WDPCP: variants seen among roughly 807,000 people sequenced by gnomAD.
The protein encoded by WDPCP is WD repeat containing planar cell polarity effector.
In WDPCP, 71 loss-of-function variants were observed where a neutral mutation model predicts 93.1. The observed-to-expected ratio is 0.76, with a 90% CI of 0.63 to 0.93. The LOEUF is 0.93. Among genes scored for constraint, WDPCP ranks in the 40% least tolerant of loss-of-function variants. The pLI is 0.00. For synonymous variants in WDPCP, 315 were observed against 315.0 expected (o/e 1.00, Z 0.00); for missense variants, 844 against 887.4 (o/e 0.95, Z 0.62).
chr2:63,297,755 G>A lies in WDPCP; in HGVS notation c.1812+15493C>T, dbSNP rs182963700. On this transcript the variant is annotated intron_variant, in intron 13 of 17. Transcript: ENST00000272321. ...ACCTAAATACTGGTATTTAGGACCC[G>A]CATGGCCTAGTTACACTGTGAGAGT... Among the ~76,000 whole-genome samples the A allele has an allele frequency of 2.7e-3, 407 of 152,142 alleles. 1 individual carries two copies. The highest frequency in any genetic ancestry group is 9.3e-3 in the African/African-American group (384 of 41,492).
chr2:63,708,774 C>T (rs1558890594), intron 2 of WDPCP, among the ~76,000 whole-genome samples: 1 of 151,996 alleles, frequency 6.6e-6, no homozygotes, highest in Non-Finnish European at 1.5e-5. Context: ...ACCCTCCTGG[C>T]TAATTTTTTG....
At chr2:63,392,927 T>C (rs1693402020) in intron 10 of WDPCP, among the ~76,000 whole-genome samples, 1 of 152,234 alleles carries the variant, frequency 6.6e-6, no homozygotes, top group Non-Finnish European at 1.5e-5. Context: ...GGAACACTTT[T>C]ACACTGTTGG....
At chr2:63,812,316 G>T (rs1265839322) in intron 2 of WDPCP, among the ~76,000 whole-genome samples, 2 of 152,170 alleles carry the variant, frequency 1.3e-5, no homozygotes, top group Non-Finnish European at 2.9e-5. Context: ...GCCAGCCATT[G>T]CTGGGCACCT....
intron 2 of WDPCP, among the ~76,000 whole-genome samples, chr2:63,722,413 C>G (rs998593323): frequency 3.3e-5 from 5 of 150,894 alleles, no homozygotes; most frequent in African/African-American, 9.8e-5. Context: ...CACCTCTGCC[C>G]GGCCGCGACC....
chr2:63,544,980 C>T (rs1705029320), intron 1 of WDPCP, among the ~76,000 whole-genome samples: 1 of 152,134 alleles, frequency 6.6e-6, no homozygotes, highest in South Asian at 2.1e-4. Flanking sequence ...CTAGAATCAA[C>T]ATTGACTTTA....
chr2:63,611,622 C>G (rs1468232425), intron 3 of WDPCP, among the ~76,000 whole-genome samples: 1 of 152,198 alleles, frequency 6.6e-6, no homozygotes, highest in Non-Finnish European at 1.5e-5. Flanking sequence ...GAGAACTCAT[C>G]ATCTTTATGA....
intron 11 of WDPCP, 130 bp downstream of exon 11, chr2:63,381,776 A>T: frequency 1.1e-6 from 1 of 922,232 alleles, no homozygotes; most frequent in Non-Finnish European, 1.6e-6. Context: ...TTTCAGTTTT[A>T]ATAGAGCACT....
intron 6 of WDPCP, among the ~76,000 whole-genome samples, chr2:63,460,906 G>A (rs962720709): frequency 6.6e-6 from 1 of 151,342 alleles, no homozygotes; most frequent in Admixed American, 6.6e-5. Flanking sequence ...GATTACAGGT[G>A]TGAGCCACTG....
At chr2:63,275,308 A>G (rs1010036831) in intron 13 of WDPCP, among the ~76,000 whole-genome samples, 2 of 152,190 alleles carry the variant, frequency 1.3e-5, no homozygotes, top group African/African-American at 2.4e-5. Context: ...TAAAGGCCAT[A>G]TATGAAAAAC....
At chr2:63,194,992 A>T (rs1035608555) in intron 14 of WDPCP, among the ~76,000 whole-genome samples, 7 of 152,156 alleles carry the variant, frequency 4.6e-5, no homozygotes, top group African/African-American at 7.2e-5. Flanking sequence ...CTGTTTTTTT[A>T]AAATATATTT....
chr2:63,563,286 C>T (rs1042052685), intron 1 of WDPCP, among the ~76,000 whole-genome samples: 1 of 151,830 alleles, frequency 6.6e-6, no homozygotes, highest in Non-Finnish European at 1.5e-5. Flanking sequence ...AAAGTGTCAT[C>T]CAGAAAATGC....
At chr2:63,672,502 T>C (rs922260886) in intron 2 of WDPCP, among the ~76,000 whole-genome samples, 17 of 152,160 alleles carry the variant, frequency 1.1e-4, no homozygotes, top group African/African-American at 4.1e-4. Flanking sequence ...TCCAACAATA[T>C]AAATGTCTAA....
At chr2:63,207,754 A>C (rs964605577) in intron 14 of WDPCP, among the ~76,000 whole-genome samples, 1 of 152,138 alleles carries the variant, frequency 6.6e-6, no homozygotes, top group Non-Finnish European at 1.5e-5. Context: ...CTCTTTCATT[A>C]CTACTATAAA....
intron 3 of WDPCP, among the ~76,000 whole-genome samples, chr2:63,640,533 G>A (rs955823968): frequency 6.6e-6 from 1 of 152,078 alleles, no homozygotes; most frequent in African/African-American, 2.4e-5. Flanking sequence ...GCAAATGAGT[G>A]TTTATATAGT....
At chr2:63,723,852 G>A (rs62138760) in intron 2 of WDPCP, among the ~76,000 whole-genome samples, 8,123 of 151,940 alleles carry the variant, frequency 0.053, 411 homozygotes, top group African/African-American at 0.13. Flanking sequence ...CCATAACTTC[G>A]ACATCCAGGA....
At chr2:63,683,939 T>G (rs1668768719) in intron 2 of WDPCP, among the ~76,000 whole-genome samples, 1 of 151,898 alleles carries the variant, frequency 6.6e-6, no homozygotes, top group Non-Finnish European at 1.5e-5. Context: ...TAAATATATA[T>G]GCACCCAACA....
chr2:63,622,623 A>G, intron 3 of WDPCP: 1 of 1,613,818 alleles, frequency 6.2e-7, no homozygotes, highest in Non-Finnish European at 8.5e-7. Context: ...ATTGGCAGGA[A>G]ATAGTTGCTT....
intron 2 of WDPCP, among the ~76,000 whole-genome samples, chr2:63,762,978 C>T (rs867797919): frequency 1.3e-5 from 2 of 152,098 alleles, no homozygotes; most frequent in African/African-American, 4.8e-5. Context: ...TCCAGTATAC[C>T]AGACCTGTTA....
At chr2:63,780,251 C>T (rs547167185) in intron 2 of WDPCP, among the ~76,000 whole-genome samples, 27 of 152,262 alleles carry the variant, frequency 1.8e-4, no homozygotes, top group East Asian at 5.8e-4. Flanking sequence ...GATGATCCTT[C>T]GAGTCCTGGG....
Sources: allele counts gnomAD v4.1 joint callset (sites outside exome capture counted in the v4.1 genomes callset), GRCh38; gene constraint gnomAD v4.1.1; transcripts MANE v1.5; gene names NCBI Gene and HGNC (gene_info 2026-07-23, HGNC 2026-07-21).